YWHAB: variants seen among roughly 807,000 people sequenced by gnomAD.
The protein encoded by YWHAB is 14-3-3 protein beta/alpha.
YWHAB carries 2 observed loss-of-function variants against 28.5 expected under a neutral mutation model. The ratio of observed to expected loss-of-function variants is 0.07; its 90% CI spans 0.03 to 0.22. The LOEUF is 0.22. Ranked by LOEUF, YWHAB falls within the 10% of genes least tolerant of loss-of-function variation. YWHAB has a pLI of 1.00. For synonymous variants in YWHAB, 103 were observed against 104.7 expected, an observed-to-expected ratio of 0.98 and a Z score of 0.10; for missense variants, 148 against 297.1, an observed-to-expected ratio of 0.50 and a Z score of 3.69.
chr20:44,892,876 A>G (rs533670107), intron 1 of YWHAB, among the ~76,000 whole-genome samples: 1 of 152,348 alleles, frequency 6.6e-6, no homozygotes, highest in South Asian at 2.1e-4. Flanking sequence ...ATATGTATAG[A>G]GCTTGGGTAA....
At chr20:44,896,435 G>A (rs1024522184) in intron 1 of YWHAB, among the ~76,000 whole-genome samples, 3 of 152,148 alleles carry the variant, frequency 2.0e-5, no homozygotes, top group Non-Finnish European at 2.9e-5. Context: ...GGCTTGGTGA[G>A]CAAAGATAGA....
rs771698898 is a variant in YWHAB, at chr20:44,901,596, T to C, written c.63T>C (p.Tyr21=). ...AACTCGCTGAGCAGGCTGAGCGATA[T>C]GATGATATGGCTGCAGCCATGAAGG... is the stretch of plus-strand genomic sequence containing the variant. ...KAKLAEQAER[Y]DDMAAAMKAV... Residue 21 remains tyrosine, a synonymous_variant, in exon 2 of 6, where the codon TAT becomes TAC. Coordinates refer to ENST00000353703, the MANE Select transcript of YWHAB (RefSeq NM_139323.4). 1.9e-5 allele frequency: 30 copies of C among 1,613,822 alleles called. No individual in the cohort carries two copies. The Admixed American group carries it at 2.2e-4, about 12-fold the overall frequency.
At chr20:44,902,055 A>C (rs766986100) in intron 2 of YWHAB, 9 of 452,118 alleles carry the variant, frequency 2.0e-5, no homozygotes, top group Admixed American at 3.8e-5. Context: ...CTCTCCTATC[A>C]AAAAGACCTG....
intron 1 of YWHAB, among the ~76,000 whole-genome samples, chr20:44,893,523 C>A (rs1237668056): frequency 6.6e-6 from 1 of 151,880 alleles, no homozygotes; most frequent in Non-Finnish European, 1.5e-5. Flanking sequence ...TTTGGTGTAA[C>A]CTTTCTGTTC....
Position 44,906,540 on chromosome 20 carries a change from T to C in YWHAB, c.*102T>C, listed in dbSNP as rs1601100217. On this transcript the variant is annotated 3_prime_UTR_variant, in exon 6 of 6. Coordinates refer to ENST00000353703, the MANE Select transcript of YWHAB (RefSeq NM_139323.4). ...AAAAAAAAAAAAAGAGAATCGTACG[T>C]CGACTTTCGATTTTTCACAGCCTCA... The C allele has an allele frequency of 6.4e-6, 7 of 1,086,662 alleles. No homozygotes were observed. Among genetic ancestry groups the C allele is most frequent in the East Asian group, 5.3e-5 (2 of 38,062 alleles). The allele number at this position is 1,086,662 out of a possible 1,614,324, so 67.3% of individuals were successfully genotyped here.
intron 1 of YWHAB, among the ~76,000 whole-genome samples, chr20:44,893,027 CTGT>C (rs2066572388): frequency 6.6e-6 from 1 of 152,168 alleles, no homozygotes; most frequent in Admixed American, 6.5e-5. Context: ...AAGGCCACAG[CTGT>C]CATTTTCAAC....
intron 1 of YWHAB, among the ~76,000 whole-genome samples, chr20:44,894,875 A>G (rs1051111326): frequency 6.6e-6 from 1 of 152,246 alleles, no homozygotes; most frequent in African/African-American, 2.4e-5. Flanking sequence ...ACTATACTAC[A>G]TATAGGTACT....
intron 2 of YWHAB, chr20:44,903,217 A>G (rs369075653): frequency 2.5e-4 from 99 of 391,174 alleles, no homozygotes; most frequent in Non-Finnish European, 3.3e-4. Context: ...CGCTTTATGT[A>G]TGTCAACTTA....
chr20:44,898,665 C>T (rs2066609388), intron 1 of YWHAB, among the ~76,000 whole-genome samples: 1 of 152,002 alleles, frequency 6.6e-6, no homozygotes, highest in Non-Finnish European at 1.5e-5. Context: ...GTGCACTGTG[C>T]CCAGCTAATT....
chr20:44,889,186 ATG>A (rs2066545650), intron 1 of YWHAB, among the ~76,000 whole-genome samples: 2 of 152,198 alleles, frequency 1.3e-5, no homozygotes, highest in Admixed American at 1.3e-4. Flanking sequence ...TTTGATCTCT[ATG>A]TGAATATGAT....
chr20:44,904,261 C>T lies in YWHAB; in HGVS notation c.424+145C>T, dbSNP rs1445657017. On this transcript the variant is annotated intron_variant, in intron 3 of 5. Coordinates refer to ENST00000353703, the MANE Select transcript of YWHAB (RefSeq NM_139323.4). ...TAAAAGACCACAGCATTGTGACGAA[C>T]GGGGTCATGGGCGGGCAAATAAAAA... The T allele has an allele frequency of 3.7e-6, 4 of 1,082,724 alleles. 1 individual carries two copies. Among genetic ancestry groups the T allele is most frequent in the East Asian group, 5.4e-5 (2 of 37,318 alleles). The allele number at this position is 1,082,724 out of a possible 1,614,324, so 67.1% of individuals were successfully genotyped here. A position where few individuals can be genotyped will look rare whatever the true frequency, so the allele number is the denominator to read the frequency against.
intron 4 of YWHAB, chr20:44,905,427 A>G (rs1478913924): frequency 7.7e-6 from 2 of 260,604 alleles, no homozygotes; most frequent in Non-Finnish European, 1.4e-5. Context: ...TGTCATTCTC[A>G]TGCCAAGATT....
chr20:44,890,041 G>C (rs1029454556), intron 1 of YWHAB, among the ~76,000 whole-genome samples: 1 of 152,200 alleles, frequency 6.6e-6, no homozygotes, highest in African/African-American at 2.4e-5. Flanking sequence ...GATCAAATGC[G>C]TTTCTAGGAA....
intron 1 of YWHAB, among the ~76,000 whole-genome samples, chr20:44,889,630 G>T (rs1226208159): frequency 1.3e-5 from 2 of 152,014 alleles, no homozygotes; most frequent in African/African-American, 4.8e-5. Flanking sequence ...TATGAGTCCT[G>T]TCTATTATTA....
chr20:44,901,503 C>T, intron 1 of YWHAB, 28 bp from the exon 2 acceptor site: 3 of 1,551,140 alleles, frequency 1.9e-6, no homozygotes, highest in Middle Eastern at 1.7e-4. Flanking sequence ...GACATTTGCT[C>T]TTTCTTTTTC....
chr20:44,906,491 A>T lies in YWHAB; in HGVS notation c.*53A>T. On this transcript the variant is annotated 3_prime_UTR_variant, in exon 6 of 6. Transcript: ENST00000353703. ...GTGTCACTCTGTACCCTCAACATAT[A>T]TCCCTTGTGCGATAAAAAAAAAAAA... is the stretch of plus-strand genomic sequence containing the variant. 9.3e-7 allele frequency: 1 copy of T among 1,071,516 alleles called. No homozygotes were observed. Among genetic ancestry groups the T allele is most frequent in the Non-Finnish European group, 1.3e-6 (1 of 740,862 alleles). The allele number at this position is 1,071,516 out of a possible 1,614,324, so 66.4% of individuals were successfully genotyped here.
intron 1 of YWHAB, among the ~76,000 whole-genome samples, chr20:44,893,904 C>T (rs1455969505): frequency 1.3e-5 from 2 of 152,008 alleles, no homozygotes; most frequent in Non-Finnish European, 2.9e-5. Context: ...ACCACATTGG[C>T]CACGCTGGTC....
chr20:44,887,638 G>A (rs2066536167), intron 1 of YWHAB: 1 of 152,196 alleles, frequency 6.6e-6, no homozygotes, highest in Admixed American at 6.5e-5. Flanking sequence ...CCATGATGCT[G>A]GTTCTCTAGG....
chr20:44,906,212 T>TA, intron 5 of YWHAB, 116 bp downstream of exon 5: 1 of 1,163,976 alleles, frequency 8.6e-7, no homozygotes, highest in Non-Finnish European at 1.2e-6. Flanking sequence ...TTTAAGTTGT[T>TA]AAATTTGTTA....
Sources: allele counts gnomAD v4.1 joint callset (sites outside exome capture counted in the v4.1 genomes callset), GRCh38; gene constraint gnomAD v4.1.1; transcripts MANE v1.5; gene names NCBI Gene and HGNC (gene_info 2026-07-23, HGNC 2026-07-21).